The following TYW1B variants were observed in gnomAD, a reference collection of about 807,000 sequenced individuals.
TYW1B encodes the protein tRNA-yW synthesizing protein 1 homolog B.
TYW1B carries 73 observed loss-of-function variants against 86.9 expected under a neutral mutation model. The ratio of observed to expected loss-of-function variants is 0.84; its 90% confidence interval spans 0.70 to 1.02. The LOEUF (loss-of-function observed/expected upper bound fraction) is 1.02. Among genes scored for constraint, TYW1B ranks in the 50% least tolerant of loss-of-function variants. The pLI, the probability that TYW1B is intolerant of heterozygous loss-of-function variation, is 0.00. For synonymous variants in TYW1B, 248 were observed against 292.8 expected, an observed-to-expected ratio of 0.85 and a Z score of 1.56; for missense variants, 637 against 827.4, an observed-to-expected ratio of 0.77 and a Z score of 2.82.
At chr7:72,606,389 C>T (rs1441884811) in intron 13 of TYW1B, among the ~76,000 whole-genome samples, 4 of 152,094 alleles carry the variant, frequency 2.6e-5, no homozygotes, top group South Asian at 2.1e-4. Flanking sequence ...ACGAGGCACC[C>T]CTCTTGACTC....
At chr7:72,610,796 T>C (rs1336763079) in intron 13 of TYW1B, among the ~76,000 whole-genome samples, 9 of 152,222 alleles carry the variant, frequency 5.9e-5, no homozygotes, top group African/African-American at 2.2e-4. Context: ...GTGTTTTAAC[T>C]GGTTTCTCTG....
At chr7:72,618,510 C>T (rs1812136304) in intron 12 of TYW1B, among the ~76,000 whole-genome samples, 1 of 152,110 alleles carries the variant, frequency 6.6e-6, no homozygotes. Flanking sequence ...GCCAACACGC[C>T]TGGCCAACAC....
At chr7:72,653,422 C>A (rs1813112035) in intron 11 of TYW1B, among the ~76,000 whole-genome samples, 1 of 151,112 alleles carries the variant, frequency 6.6e-6, no homozygotes, top group Non-Finnish European at 1.5e-5. Flanking sequence ...CTGGCTAACA[C>A]AGTGAAACCC....
At chr7:72,694,850 A>T (rs782387489) in intron 10 of TYW1B, 28 bp from the exon 11 acceptor site, 31 of 1,580,806 alleles carry the variant, frequency 2.0e-5, no homozygotes, top group Middle Eastern at 3.4e-4. Flanking sequence ...TTAAAGGAAG[A>T]AAGAAAAATT....
At chr7:72,654,012 G>A (rs189961179) in intron 11 of TYW1B, among the ~76,000 whole-genome samples, 75 of 151,194 alleles carry the variant, frequency 5.0e-4, no homozygotes, top group Non-Finnish European at 9.6e-4. Context: ...CCCAGGAGGC[G>A]GAGGCTGCAG....
intron 7 of TYW1B, among the ~76,000 whole-genome samples, chr7:72,752,446 T>C (rs1166572364): frequency 1.3e-5 from 2 of 152,054 alleles, no homozygotes; most frequent in African/African-American, 2.4e-5. Flanking sequence ...TAAAAACTTA[T>C]CAGGCAGAGC....
At chr7:72,624,328 T>C (rs1812290576) in intron 12 of TYW1B, among the ~76,000 whole-genome samples, 3 of 152,286 alleles carry the variant, frequency 2.0e-5, no homozygotes, top group Admixed American at 2.0e-4. Flanking sequence ...TAATAAACAT[T>C]TCCCTCCCCT....
At chr7:72,732,509 G>A (rs1166918323) in intron 8 of TYW1B, among the ~76,000 whole-genome samples, 1 of 152,072 alleles carries the variant, frequency 6.6e-6, no homozygotes, top group Non-Finnish European at 1.5e-5. Flanking sequence ...GCACACTCTT[G>A]AACAGCCAAT....
At chr7:72,647,483 AGAT>A (rs1423618998) in intron 11 of TYW1B, among the ~76,000 whole-genome samples, 1 of 152,232 alleles carries the variant, frequency 6.6e-6, no homozygotes, top group East Asian at 1.9e-4. Context: ...AGGAATGGCT[AGAT>A]GATTTATGAT....
intron 8 of TYW1B, among the ~76,000 whole-genome samples, chr7:72,741,118 A>C (rs1460977277): frequency 4.6e-5 from 7 of 152,030 alleles, no homozygotes; most frequent in Non-Finnish European, 1.0e-4. Context: ...TATTAGCAAA[A>C]ACTCTCCCTG....
intron 11 of TYW1B, among the ~76,000 whole-genome samples, chr7:72,676,461 A>C (rs1554447434): frequency 6.6e-6 from 1 of 151,272 alleles, no homozygotes; most frequent in Non-Finnish European, 1.5e-5. Context: ...GAAACACAGC[A>C]GAGTCTCAAC....
chr7:72,668,590 G>A (rs1439763711), intron 11 of TYW1B, among the ~76,000 whole-genome samples: 3 of 152,106 alleles, frequency 2.0e-5, no homozygotes, highest in Non-Finnish European at 1.5e-5. Context: ...GACTCTGGTG[G>A]AACTGAACTG....
Position 72,713,655 on chromosome 7 carries a change from G to A in TYW1B, c.1336C>T (p.Leu446=). The A allele has an allele frequency of 6.2e-7, 1 of 1,614,084 alleles. No homozygotes were observed. The highest frequency in any genetic ancestry group is 8.5e-7 in the Non-Finnish European group (1 of 1,179,998). The change falls in exon 10 of 14, where the codon CTG becomes TTG. Residue 446 remains leucine, a synonymous_variant. Transcript: ENST00000620995. ...LLHQCKISSF[L]VTNAQFPAEI... is the part of the protein sequence containing the mutation. ...GCAGGAAATTGTGCATTTGTGACCA[G>A]GAAGCTGGAGATTTTACACTGGTGG...
At chr7:72,710,745 T>C (rs1554454571) in intron 10 of TYW1B, among the ~76,000 whole-genome samples, 1 of 152,118 alleles carries the variant, frequency 6.6e-6, no homozygotes, top group African/African-American at 2.4e-5. Flanking sequence ...GAAGCAGAGG[T>C]TGCAGTGAGC....
At chr7:72,674,550 A>C (rs1431135110) in intron 11 of TYW1B, among the ~76,000 whole-genome samples, 1 of 152,036 alleles carries the variant, frequency 6.6e-6, no homozygotes, top group Admixed American at 6.6e-5. Context: ...CATATAGAGA[A>C]GCTGTAATGC....
intron 10 of TYW1B, among the ~76,000 whole-genome samples, chr7:72,713,101 C>A (rs1309380633): frequency 6.6e-6 from 1 of 150,458 alleles, no homozygotes; most frequent in African/African-American, 2.4e-5. Context: ...GAGTTCAAGA[C>A]CAGTTTGGCC....
chr7:72,677,359 G>A (rs1191784277), intron 11 of TYW1B, among the ~76,000 whole-genome samples: 1 of 151,876 alleles, frequency 6.6e-6, no homozygotes, highest in African/African-American at 2.4e-5. Flanking sequence ...TGTTGCTCAG[G>A]CTGGTCTCAA....
intron 6 of TYW1B, among the ~76,000 whole-genome samples, chr7:72,790,786 CACCCACAAGCAAT>C (rs1409692434): frequency 6.6e-6 from 1 of 152,232 alleles, no homozygotes; most frequent in Non-Finnish European, 1.5e-5. Flanking sequence ...GCCTGGCTGG[CACCCACAAGCAAT>C]ACCTCTTGTT....
intron 7 of TYW1B, among the ~76,000 whole-genome samples, chr7:72,775,944 T>C (rs186478050): frequency 1.6e-3 from 239 of 152,314 alleles, no homozygotes; most frequent in African/African-American, 5.5e-3. Context: ...TAAAAATAGA[T>C]ATTTTTGTTG....
Sources: allele counts gnomAD v4.1 joint callset (sites outside exome capture counted in the v4.1 genomes callset), GRCh38; gene constraint gnomAD v4.1.1; transcripts MANE v1.5; gene names NCBI Gene and HGNC (gene_info 2026-07-23, HGNC 2026-07-21).